The following NUP35 variants were observed in gnomAD, a reference collection of about 807,000 sequenced individuals.
The protein encoded by NUP35 is nucleoporin NUP35.
Under a neutral mutation model 41.5 loss-of-function variants are expected in NUP35, and 25 were observed. The ratio of observed to expected loss-of-function variants is 0.60; its 90% CI spans 0.44 to 0.84. NUP35 has a LOEUF of 0.84. Among genes scored for constraint, NUP35 ranks in the 40% least tolerant of loss-of-function variants. The pLI is 0.00. For synonymous variants in NUP35, 149 were observed against 130.7 expected, an observed-to-expected ratio of 1.14 and a Z score of -0.96; for missense variants, 396 against 396.6, an observed-to-expected ratio of 1.00 and a Z score of 0.01.
intron 4 of NUP35, among the ~76,000 whole-genome samples, chr2:183,142,455 T>TC (rs1685128743): frequency 1.7e-5 from 2 of 118,100 alleles, no homozygotes; most frequent in South Asian, 6.6e-4. Context: ...GTGTGTTTTC[T>TC]TTTTTTTTTT....
intron 4 of NUP35, among the ~76,000 whole-genome samples, chr2:183,137,755 T>TG (rs1316017436): frequency 2.0e-5 from 3 of 151,032 alleles, no homozygotes; most frequent in Non-Finnish European, 4.4e-5. Context: ...ATTGCACCAC[T>TG]GCACGCGAGC....
chr2:183,159,691 G>A (rs1404451265), intron 8 of NUP35, 39 bp downstream of exon 8: 5 of 1,491,744 alleles, frequency 3.4e-6, no homozygotes, highest in Non-Finnish European at 4.7e-6. Context: ...GTACTTTAAT[G>A]GCTGAGTGCA....
intron 2 of NUP35, among the ~76,000 whole-genome samples, chr2:183,129,794 G>A (rs1292740194): frequency 6.6e-6 from 1 of 152,176 alleles, no homozygotes; most frequent in Non-Finnish European, 1.5e-5. Context: ...TACAGTCCAG[G>A]CTCAGACATT....
intron 7 of NUP35, among the ~76,000 whole-genome samples, chr2:183,158,932 G>A (rs1262390078): frequency 6.6e-6 from 1 of 151,952 alleles, no homozygotes; most frequent in Admixed American, 6.6e-5. Flanking sequence ...GTTCTTTGTG[G>A]CTTGTTAAAT....
intron 4 of NUP35, among the ~76,000 whole-genome samples, chr2:183,135,739 C>G (rs1166073861): frequency 6.6e-6 from 1 of 152,078 alleles, no homozygotes; most frequent in Non-Finnish European, 1.5e-5. Flanking sequence ...AGGCATGTGC[C>G]TGTAGTTCCA....
intron 3 of NUP35, among the ~76,000 whole-genome samples, chr2:183,132,170 G>A (rs1013240381): frequency 2.0e-5 from 3 of 151,958 alleles, no homozygotes; most frequent in African/African-American, 7.3e-5. Context: ...CTACAGATGT[G>A]GACCACCATG....
upstream of NUP35, chr2:183,124,229 ATACGCTGG>A: frequency 9.2e-7 from 1 of 1,086,654 alleles, no homozygotes; most frequent in Non-Finnish European, 1.3e-6. Flanking sequence ...TCACAGAACC[ATACGCTGG>A]TTCGCCACCT....
At position 183,161,268 on chromosome 2, in the gene NUP35, T is replaced by A. The variant is rs1275066002; in HGVS notation, c.*137T>A. ...TCTTTTAGAAAGAAGCCTTTTTCAT[T>A]AAGGATACAACCTATTTGTAGCTCG... On this transcript the variant is annotated 3_prime_UTR_variant, in exon 9 of 9. Coordinates refer to ENST00000295119, the MANE Select transcript of NUP35 (RefSeq NM_138285.5). The A allele has an allele frequency of 1.8e-6, 1 of 550,932 alleles. No individual in the cohort carries two copies. The highest frequency in any genetic ancestry group is 3.3e-6 in the Non-Finnish European group (1 of 305,856). The allele number at this position is 550,932 out of a possible 1,614,324, so 34.1% of individuals were successfully genotyped here.
At chr2:183,134,301 A>G (rs1684803062) in intron 4 of NUP35, among the ~76,000 whole-genome samples, 1 of 152,154 alleles carries the variant, frequency 6.6e-6, no homozygotes, top group Admixed American at 6.6e-5. Context: ...TGGAACTTAC[A>G]TTTATTTGCA....
At chr2:183,154,228 T>G (rs1431261521) in intron 5 of NUP35, among the ~76,000 whole-genome samples, 1 of 152,218 alleles carries the variant, frequency 6.6e-6, no homozygotes, top group Non-Finnish European at 1.5e-5. Context: ...TGACATGCCC[T>G]AGAGACATTT....
intron 5 of NUP35, among the ~76,000 whole-genome samples, chr2:183,153,745 A>T (rs941879394): frequency 4.6e-5 from 7 of 152,074 alleles, no homozygotes; most frequent in Non-Finnish European, 1.0e-4. Flanking sequence ...CTGTCAGTGG[A>T]TCTACCATTC....
rs1559143135 is a variant in NUP35, at chr2:183,130,405, T to G, written c.212-13T>G. ...AGAATCCCTTTTTTTTTTTTTTTTTTTGTACACTGTAGGTGGGTCACCACC... is the reference window on the plus strand; with the variant it reads ...AGAATCCCTTTTTTTTTTTTTTTTTGTGTACACTGTAGGTGGGTCACCACC... On this transcript the variant is annotated splice_polypyrimidine_tract_variant and intron_variant, in intron 2 of 8. Transcript: ENST00000295119. 12 of 1,383,418 alleles carry G rather than the reference T, an allele frequency of 8.7e-6. No individual in the cohort carries two copies. The highest frequency in any genetic ancestry group is 2.4e-4 in the Middle Eastern group (1 of 4,098). 85.7% of individuals were successfully genotyped at this position (1,383,418 alleles called of 1,614,324 possible). A position where few individuals can be genotyped will look rare whatever the true frequency, so the allele number is the denominator to read the frequency against.
At chr2:183,128,775 CATTA>C (rs943560338) in intron 2 of NUP35, among the ~76,000 whole-genome samples, 6 of 129,304 alleles carry the variant, frequency 4.6e-5, no homozygotes, top group African/African-American at 1.6e-4. Flanking sequence ...CTCATCAATA[CATTA>C]ATTAAAAAAA....
At chr2:183,141,643 G>GT (rs970356519) in intron 4 of NUP35, among the ~76,000 whole-genome samples, 8 of 151,632 alleles carry the variant, frequency 5.3e-5, no homozygotes, top group South Asian at 2.1e-4. Flanking sequence ...GTTAATAATT[G>GT]TTTTTTTTCT....
chr2:183,148,619 C>T (rs1040240670), intron 4 of NUP35, among the ~76,000 whole-genome samples: 3 of 124,406 alleles, frequency 2.4e-5, no homozygotes, highest in Admixed American at 7.5e-5. Flanking sequence ...TATTCATGTT[C>T]TTTGCCCACT....
chr2:183,130,422 G>T lies in NUP35; in HGVS notation c.216G>T (p.Gly72=), dbSNP rs1258731827. ...MEMRSPLLAG[G]SPPQPVVPAH... ...TTTTTTTTTTGTACACTGTAGGTGG[G>T]TCACCACCACAACCAGTTGTACCAG... Residue 72 remains glycine, a synonymous_variant, in exon 3 of 9, where the codon GGG becomes GGT. Coordinates refer to ENST00000295119, the MANE Select transcript of NUP35 (RefSeq NM_138285.5). 2.5e-6 allele frequency: 4 copies of T among 1,594,120 alleles called. No homozygotes were observed. Among genetic ancestry groups the T allele is most frequent in the East Asian group, 2.3e-5 (1 of 44,308 alleles).
chr2:183,126,949 A>G (rs1449055036), intron 1 of NUP35, among the ~76,000 whole-genome samples: 2 of 151,414 alleles, frequency 1.3e-5, no homozygotes, highest in African/African-American at 4.8e-5. Flanking sequence ...TTTGTAGAAA[A>G]TAATAATTCG....
chr2:183,128,599 TAAAAA>T, intron 2 of NUP35, 142 bp downstream of exon 2: 5 of 369,590 alleles, frequency 1.4e-5, no homozygotes, highest in Non-Finnish European at 2.3e-5. Flanking sequence ...GCTGATGAGC[TAAAAA>T]AAAAAAAAAA....
intron 3 of NUP35, among the ~76,000 whole-genome samples, chr2:183,133,299 A>C (rs545772510): frequency 3.3e-5 from 5 of 149,774 alleles, no homozygotes; most frequent in African/African-American, 1.2e-4. Flanking sequence ...AATAGTTAAC[A>C]TGTCACCTTT....
Sources: gnomAD v4.1 joint callset for allele counts (sites outside exome capture counted in the v4.1 genomes callset) on GRCh38, gnomAD v4.1.1 for gene constraint, MANE v1.5 for transcripts, NCBI Gene and HGNC (gene_info 2026-07-23, HGNC 2026-07-21) for gene names.